Variants in BRSK2 observed in about 807,000 individuals in gnomAD.
BRSK2 encodes serine/threonine-protein kinase BRSK2.
In BRSK2, 19 loss-of-function variants were observed where a neutral mutation model predicts 83.3. That is an observed-to-expected ratio of 0.23 (90% CI 0.16 to 0.33). BRSK2 has a LOEUF of 0.33. BRSK2 is among the 10% of genes least tolerant of loss of function. BRSK2 has a pLI of 1.00. For synonymous variants in BRSK2, 519 were observed against 435.4 expected, an observed-to-expected ratio of 1.19 and a Z score of -2.39; for missense variants, 798 against 1,042.3, an observed-to-expected ratio of 0.77 and a Z score of 3.23.
intron 18 of BRSK2, among the ~76,000 whole-genome samples, chr11:1,457,554 C>T (rs1414516749): frequency 6.6e-6 from 1 of 152,194 alleles, no homozygotes; most frequent in African/African-American, 2.4e-5. Flanking sequence ...CATGCATGGG[C>T]CTGGTCTGTC....
chr11:1,448,764 C>T (rs959079347), intron 12 of BRSK2, among the ~76,000 whole-genome samples: 2 of 152,220 alleles, frequency 1.3e-5, no homozygotes, highest in Non-Finnish European at 2.9e-5. Flanking sequence ...CCCGTCGCCT[C>T]CCTGCCCCTT....
chr11:1,420,357 G>A (rs893074194), intron 1 of BRSK2, among the ~76,000 whole-genome samples: 1 of 152,194 alleles, frequency 6.6e-6, no homozygotes, highest in Admixed American at 6.5e-5. Flanking sequence ...AGATGCTCCA[G>A]GGTGTCTGCA....
intron 1 of BRSK2, among the ~76,000 whole-genome samples, chr11:1,399,580 C>T (rs533364925): frequency 2.4e-4 from 37 of 152,278 alleles, no homozygotes; most frequent in African/African-American, 7.5e-4. Flanking sequence ...ATGCCAGGGC[C>T]GCACAGTCCC....
At chr11:1,411,755 T>A in intron 1 of BRSK2, 1 of 1,376,674 alleles carries the variant, frequency 7.3e-7, no homozygotes, top group Non-Finnish European at 9.8e-7. Flanking sequence ...CTGCACCTGC[T>A]GGGAGGGCCA....
At position 1,456,423 on chromosome 11, in the gene BRSK2, G is replaced by A. The variant is rs767016763; in HGVS notation, c.1744G>A (p.Val582Met). The part of the protein sequence containing the change: ...AEYKATGGPA[V>M]FQKPVKFQVD... ...GTACAAGGCCACGGGGGGGCCAGCC[G>A]TGTTCCAGAAGCCGGTCAAGTTCCA... Residue 582 changes from valine to methionine, a missense_variant, in exon 17 of 20, where the codon GTG (valine) becomes ATG (methionine). Physicochemically the swap from Val to Met is conservative, Grantham distance 21. Coordinates refer to ENST00000528841, the MANE Select transcript of BRSK2 (RefSeq NM_001256627.2). 14 of 1,598,828 alleles carry A rather than the reference G, an allele frequency of 8.8e-6. No homozygotes were observed. The highest frequency in any genetic ancestry group is 1.0e-5 in the Non-Finnish European group (12 of 1,173,788).
chr11:1,456,936 C>A (rs779437608), intron 18 of BRSK2: 1 of 1,595,810 alleles, frequency 6.3e-7, no homozygotes. Flanking sequence ...CACTGAAAGG[C>A]GCCTCTTGTC....
At chr11:1,435,958 G>T (rs1293238576) in intron 1 of BRSK2, 82 bp from the exon 2 acceptor site, 2 of 1,039,364 alleles carry the variant, frequency 1.9e-6, no homozygotes, top group East Asian at 5.3e-5. Flanking sequence ...CGTGGGAGGA[G>T]GCCCCCAACC....
chr11:1,403,553 C>T (rs1051833050), intron 1 of BRSK2, among the ~76,000 whole-genome samples: 10 of 152,192 alleles, frequency 6.6e-5, no homozygotes, highest in Non-Finnish European at 1.5e-4. Flanking sequence ...GGGGCCCAGG[C>T]GGTTGGAGCT....
Position 1,450,578 on chromosome 11 carries a change from A to C in BRSK2, c.1288-9A>C, listed in dbSNP as rs1441746416. ...TGAACCAAACACCAAATCTGTCCCC[A>C]CCATACAGGTGACCCCTCACCCCTC... On this transcript the variant is annotated splice_polypyrimidine_tract_variant and intron_variant, in intron 13 of 19. Coordinates refer to ENST00000528841, the MANE Select transcript of BRSK2 (RefSeq NM_001256627.2). The C allele has an allele frequency of 6.6e-7, 1 of 1,518,150 alleles. No homozygotes were observed. Among genetic ancestry groups the C allele is most frequent in the African/African-American group, 1.4e-5 (1 of 71,164 alleles). The allele number at this position is 1,518,150 out of a possible 1,614,324, so 94.0% of individuals were successfully genotyped here. A position where few individuals can be genotyped will look rare whatever the true frequency, so the allele number is the denominator to read the frequency against.
At chr11:1,416,259 C>T (rs549028746) in intron 1 of BRSK2, among the ~76,000 whole-genome samples, 6 of 152,342 alleles carry the variant, frequency 3.9e-5, no homozygotes, top group African/African-American at 7.2e-5. Context: ...TGGGGGGTCT[C>T]GTGGGCACAG....
chr11:1,390,345 C>A lies in BRSK2; in HGVS notation c.61C>A (p.Leu21Met). Residue 21 changes from leucine to methionine, a missense_variant, in exon 1 of 20, where the codon CTG becomes ATG. This residue lies in a region of BRSK2 where 33 missense variants were observed against 30.8 expected (regional missense o/e 1.07). Coordinates refer to ENST00000528841, the MANE Select transcript of BRSK2 (RefSeq NM_001256627.2). This position sits in a 1 kb window ranked among gnomAD's most constrained non-coding sequence, Gnocchi z 6.8. ...QHAQYVGPYR[L>M]EKTLGKGQTG... ...CGCGCAGTATGTTGGGCCCTACCGGCTGGAGAAGACGCTGGGCAAGGGGCA... is the reference window on the plus strand; with the variant it reads ...CGCGCAGTATGTTGGGCCCTACCGGATGGAGAAGACGCTGGGCAAGGGGCA... 1 of 1,041,776 alleles carries A rather than the reference C, an allele frequency of 9.6e-7. No homozygotes were observed. Among genetic ancestry groups the A allele is most frequent in the African/African-American group, 1.7e-5 (1 of 58,064 alleles). 64.5% of individuals were successfully genotyped at this position (1,041,776 alleles called of 1,614,324 possible). A position where few individuals can be genotyped will look rare whatever the true frequency, so the allele number is the denominator to read the frequency against.
chr11:1,455,210 C>T (rs1004788987), intron 16 of BRSK2, among the ~76,000 whole-genome samples: 1 of 152,098 alleles, frequency 6.6e-6, no homozygotes, highest in Non-Finnish European at 1.5e-5. Context: ...AGTTTATTGC[C>T]AGGACTCCAG....
At chr11:1,428,271 A>T (rs1849482892) in intron 1 of BRSK2, among the ~76,000 whole-genome samples, 1 of 152,058 alleles carries the variant, frequency 6.6e-6, no homozygotes. Context: ...GCTATTTGAG[A>T]GGCCACCTGC....
rs900074798 is a variant in BRSK2, at chr11:1,450,611, G to A, written c.1312G>A (p.Gly438Ser). Residue 438 changes from glycine to serine, a missense_variant, in exon 14 of 20, where the codon GGC (glycine) becomes AGC (serine). Physicochemically the swap from Gly to Ser is moderately conservative, Grantham distance 56. This residue lies in a region of BRSK2 where 455 missense variants were observed against 455.2 expected (regional missense o/e 1.00). Transcript: ENST00000528841. ...PRVTPHPSPR[G>S]SPLPTPKGTP... ...GGTGACCCCTCACCCCTCACCAAGG[G>A]GCAGTCCCCTCCCCACCCCCAAGGG... The A allele has an allele frequency of 5.0e-6, 8 of 1,593,108 alleles. No individual in the cohort carries two copies. The South Asian group carries it at 6.8e-5, about 13-fold the overall frequency.
At chr11:1,398,892 C>G (rs1184245072) in intron 1 of BRSK2, among the ~76,000 whole-genome samples, 1 of 152,174 alleles carries the variant, frequency 6.6e-6, no homozygotes, top group East Asian at 1.9e-4. Context: ...GCCCCCCCAG[C>G]CCCTCCGCTT....
In BRSK2 at chr11:1,445,927, G is replaced by A; in HGVS notation, c.1226+20G>A. ...CCAGAGGTGTGTGTGCCCCGAGGCT[G>A]CTGGGCCTCCCTCCCTGGGCCCTGG... On this transcript the variant is annotated intron_variant, in intron 12 of 19. Coordinates refer to ENST00000528841, the MANE Select transcript of BRSK2 (RefSeq NM_001256627.2). The A allele has an allele frequency of 1.3e-6, 2 of 1,590,340 alleles. No individual in the cohort carries two copies. The highest frequency in any genetic ancestry group is 1.1e-5 in the South Asian group (1 of 89,724).
chr11:1,442,521 C>T lies in BRSK2; in HGVS notation c.445C>T (p.Leu149=). Residue 149 remains leucine, a synonymous_variant, in exon 5 of 20, where the codon CTG becomes TTG. Transcript: ENST00000528841. ...GGATCTGAAACCTGAAAACCTCCTG[C>T]TGGACGAGAAGAACAACATCCGCAT... is the stretch of plus-strand genomic sequence containing the variant. ...HRDLKPENLL[L]DEKNNIRIAD... 2 of 1,613,154 alleles carry T rather than the reference C, an allele frequency of 1.2e-6. No homozygotes were observed. The highest frequency in any genetic ancestry group is 2.2e-5 in the South Asian group (2 of 91,084).
rs1195905326 is a variant in BRSK2 at position 1,390,435 on chromosome 11, G to T, written c.91+60G>T. On this transcript the variant is annotated intron_variant, in intron 1 of 19. Coordinates refer to ENST00000528841, the MANE Select transcript of BRSK2 (RefSeq NM_001256627.2). This position sits in a 1 kb window ranked among gnomAD's most constrained non-coding sequence, Gnocchi z 6.8. Reference sequence around the variant, plus strand: ...AGGCCGCGCTGGCAGCGCGCTGGGTGGGGGGCGCCCGAGGGAGGCCCCGGC... The same window carrying T: ...AGGCCGCGCTGGCAGCGCGCTGGGTTGGGGGCGCCCGAGGGAGGCCCCGGC... 6 of 949,786 alleles carry T rather than the reference G, an allele frequency of 6.3e-6. No homozygotes were observed. The African/African-American group carries it at 7.2e-5, about 11-fold the overall frequency. 58.8% of individuals were successfully genotyped at this position (949,786 alleles called of 1,614,324 possible). A position where few individuals can be genotyped will look rare whatever the true frequency, so the allele number is the denominator to read the frequency against.
At chr11:1,437,038 T>G in intron 2 of BRSK2, among the ~76,000 whole-genome samples, 1 of 150,682 alleles carries the variant, frequency 6.6e-6, no homozygotes, top group Admixed American at 6.6e-5. Flanking sequence ...GCTGCCTGGA[T>G]GGGGCTGGCA....
Sources: allele counts gnomAD v4.1 joint callset (sites outside exome capture counted in the v4.1 genomes callset), GRCh38; gene constraint gnomAD v4.1.1; regional missense constraint gnomAD v4.1.1; non-coding constraint Gnocchi (gnomAD v3.1); transcripts MANE v1.5; gene names NCBI Gene and HGNC (gene_info 2026-07-23, HGNC 2026-07-21).